Variants in AP4S1 observed in about 807,000 individuals in gnomAD.
AP4S1 encodes the protein AP-4 complex subunit sigma-1.
AP4S1 carries 23 observed loss-of-function variants against 19.8 expected under a neutral mutation model. The observed-to-expected ratio is 1.16, with a 90% CI of 0.84 to 1.65. The LOEUF is 1.65. Among genes scored for constraint, AP4S1 ranks in the 40% most tolerant of loss-of-function variants. The pLI is 0.00. For missense variants in AP4S1, 166 were observed against 172.8 expected, an observed-to-expected ratio of 0.96 and a Z score of 0.22; for synonymous variants, 46 against 54.1, an observed-to-expected ratio of 0.85 and a Z score of 0.66.
At chr14:31,056,413 C>T (rs560723620) in intron 1 of AP4S1, among the ~76,000 whole-genome samples, 74 of 151,838 alleles carry the variant, frequency 4.9e-4, no homozygotes, top group African/African-American at 1.7e-3. Flanking sequence ...GGCTGGAGTG[C>T]AGTGGCGCGA....
intron 1 of AP4S1, among the ~76,000 whole-genome samples, chr14:31,054,362 C>T (rs1885979145): frequency 6.6e-6 from 1 of 152,114 alleles, no homozygotes; most frequent in Admixed American, 6.5e-5. Context: ...TAGCAAGACC[C>T]CGTGTCTACA....
At chr14:31,044,245 A>G (rs775983969) in intron 1 of AP4S1, among the ~76,000 whole-genome samples, 3 of 152,058 alleles carry the variant, frequency 2.0e-5, no homozygotes, top group Admixed American at 1.3e-4. Context: ...TTCCTTTTCT[A>G]CTTATTATGT....
At chr14:31,077,955 C>T (rs1287325129) in intron 4 of AP4S1, among the ~76,000 whole-genome samples, 1 of 152,030 alleles carries the variant, frequency 6.6e-6, no homozygotes, top group African/African-American at 2.4e-5. Flanking sequence ...AGGATGGTCT[C>T]GATTTCCTGA....
chr14:31,025,813 C>G (rs2139375342), intron 1 of AP4S1, 26 bp downstream of exon 1: 10 of 1,515,352 alleles, frequency 6.6e-6, no homozygotes, highest in Middle Eastern at 2.2e-4. Context: ...CCTCCCAAGG[C>G]GCCGGCTCCG....
intron 1 of AP4S1, chr14:31,026,084 C>T (rs1440341218): frequency 5.2e-6 from 8 of 1,526,740 alleles, no homozygotes; most frequent in Non-Finnish European, 5.3e-6. Flanking sequence ...CCGCTCCGTT[C>T]CCCCCGGGCG....
chr14:31,051,950 G>A (rs942514598), intron 1 of AP4S1, among the ~76,000 whole-genome samples: 4 of 152,066 alleles, frequency 2.6e-5, no homozygotes, highest in African/African-American at 4.8e-5. Context: ...CATGAGCCAC[G>A]ATGCCCGGTC....
rs1481447047 is a variant in AP4S1, at chr14:31,095,823, C to T, written c.*2788C>T. The T allele has an allele frequency of 6.6e-6, 1 of 152,188 alleles. No individual in the cohort carries two copies. Among genetic ancestry groups the T allele is most frequent in the Non-Finnish European group, 1.5e-5 (1 of 68,048 alleles). The allele number at this position is 152,188 out of a possible 1,614,324, so 9.4% of individuals were successfully genotyped here. Reference sequence around the variant, plus strand: ...ATGCAGCCAGGCATGGTGGCTTACGCCTATAATCCCAGCACTTTGGGACGC... The same window carrying T: ...ATGCAGCCAGGCATGGTGGCTTACGTCTATAATCCCAGCACTTTGGGACGC... On this transcript the variant is annotated 3_prime_UTR_variant, in exon 6 of 6. Transcript: ENST00000542754.
At chr14:31,064,180 ATGCATGTGCT>A (rs777194851) in intron 1 of AP4S1, among the ~76,000 whole-genome samples, 1 of 152,212 alleles carries the variant, frequency 6.6e-6, no homozygotes, top group Non-Finnish European at 1.5e-5. Flanking sequence ...TCATGGATCC[ATGCATGTGCT>A]TGGCCTTTGA....
intron 5 of AP4S1, chr14:31,083,651 C>T (rs1241846111): frequency 2.4e-6 from 1 of 422,722 alleles, no homozygotes; most frequent in African/African-American, 2.1e-5. Flanking sequence ...ACTACAGGTA[C>T]ACAACACCAT....
intron 5 of AP4S1, among the ~76,000 whole-genome samples, chr14:31,082,502 G>A (rs1887687657): frequency 6.6e-6 from 1 of 152,208 alleles, no homozygotes; most frequent in Non-Finnish European, 1.5e-5. Flanking sequence ...ACTTCACTGG[G>A]AGTAGAGAAC....
rs1887843929 is a variant in AP4S1 at position 31,084,818 on chromosome 14, A to G, written c.306+4234A>G. The G allele has an allele frequency of 1.9e-6, 3 of 1,614,092 alleles. No homozygotes were observed. The highest frequency in any genetic ancestry group is 2.7e-5 in the African/African-American group (2 of 74,926). ...ATATGCTCAGCCCTGGAGCCCCAGC[A>G]GACTTGCTTTTCTCCAGACAGTTCA... On this transcript the variant is annotated intron_variant, in intron 5 of 5. Coordinates refer to ENST00000542754, the MANE Select transcript of AP4S1 (RefSeq NM_001128126.3).
At chr14:31,043,893 A>G (rs8010129) in intron 1 of AP4S1, among the ~76,000 whole-genome samples, 4 of 151,984 alleles carry the variant, frequency 2.6e-5, no homozygotes, top group Non-Finnish European at 4.4e-5. Flanking sequence ...TGCCATTTCC[A>G]TATTTCCTGA....
At chr14:31,037,245 T>G (rs562010759) in intron 1 of AP4S1, among the ~76,000 whole-genome samples, 4 of 151,014 alleles carry the variant, frequency 2.6e-5, no homozygotes, top group Non-Finnish European at 4.4e-5. Context: ...TTCTTGTTGC[T>G]ACCTTAGTTT....
At chr14:31,073,466 G>GT (rs1284672738) in intron 4 of AP4S1, among the ~76,000 whole-genome samples, 5 of 147,002 alleles carry the variant, frequency 3.4e-5, no homozygotes, top group Admixed American at 1.4e-4. Context: ...CTCCAGCCTG[G>GT]GCAACAGAGC....
intron 1 of AP4S1, among the ~76,000 whole-genome samples, chr14:31,044,339 T>C (rs1885273303): frequency 6.6e-6 from 1 of 151,952 alleles, no homozygotes; most frequent in African/African-American, 2.4e-5. Flanking sequence ...ACACATTATA[T>C]GTCTGGTAAT....
At chr14:31,073,047 A>G (rs769861735) in intron 4 of AP4S1, 74 bp downstream of exon 4, 8 of 1,223,294 alleles carry the variant, frequency 6.5e-6, no homozygotes, top group Non-Finnish European at 9.7e-6. Flanking sequence ...TTGGATCTAT[A>G]TCAAGAACAT....
intron 2 of AP4S1, among the ~76,000 whole-genome samples, chr14:31,066,618 A>G (rs763354299): frequency 6.6e-6 from 1 of 152,320 alleles, no homozygotes; most frequent in Middle Eastern, 3.4e-3. Context: ...CCTTCTGCTA[A>G]TAGACACACC....
intron 1 of AP4S1, among the ~76,000 whole-genome samples, chr14:31,058,708 T>C (rs1338988931): frequency 6.6e-6 from 1 of 151,338 alleles, no homozygotes; most frequent in East Asian, 1.9e-4. Context: ...GCTGGGACTA[T>C]AGGTACACAC....
At chr14:31,068,138 G>T (rs1594684166) in intron 2 of AP4S1, among the ~76,000 whole-genome samples, 1 of 151,590 alleles carries the variant, frequency 6.6e-6, no homozygotes, top group African/African-American at 2.4e-5. Flanking sequence ...AAAGTGCTGG[G>T]ATTACAGGCA....
Sources: allele counts gnomAD v4.1 joint callset (sites outside exome capture counted in the v4.1 genomes callset), GRCh38; gene constraint gnomAD v4.1.1; transcripts MANE v1.5; gene names NCBI Gene and HGNC (gene_info 2026-07-23, HGNC 2026-07-21).